The following FBXO32 variants were observed in gnomAD, a reference collection of about 807,000 sequenced individuals.
The protein encoded by FBXO32 is F-box protein 32.
FBXO32 carries 15 observed loss-of-function variants against 48.3 expected under a neutral mutation model. The observed-to-expected ratio is 0.31, with a 90% CI of 0.21 to 0.48. The LOEUF is 0.48. Among genes scored for constraint, FBXO32 ranks in the 20% least tolerant of loss-of-function variants. FBXO32 has a pLI of 0.99. For synonymous variants in FBXO32, 154 were observed against 165.9 expected, an observed-to-expected ratio of 0.93 and a Z score of 0.55; for missense variants, 309 against 432.7, an observed-to-expected ratio of 0.71 and a Z score of 2.54.
chr8:123,503,118 T>C lies in FBXO32; in HGVS notation c.*255A>G, dbSNP rs531514760. ...AGAATTATTGCCCTTATAGTCTTGC[T>C]GGCAAATTGTTAGAAAAAAAGTTTA... is the stretch of plus-strand genomic sequence containing the variant. On this transcript the variant is annotated 3_prime_UTR_variant, in exon 9 of 9. Transcript: ENST00000517956. The C allele has an allele frequency of 3.1e-6, 1 of 321,148 alleles. No individual in the cohort carries two copies. Among genetic ancestry groups the C allele is most frequent in the East Asian group, 6.1e-5 (1 of 16,310 alleles). The allele number at this position is 321,148 out of a possible 1,614,324, so 19.9% of individuals were successfully genotyped here. A position where few individuals can be genotyped will look rare whatever the true frequency, so the allele number is the denominator to read the frequency against.
chr8:123,509,135 T>G (rs1256617880), intron 6 of FBXO32, among the ~76,000 whole-genome samples: 1 of 152,190 alleles, frequency 6.6e-6, no homozygotes, highest in Non-Finnish European at 1.5e-5. Flanking sequence ...TTTATTATAT[T>G]AATTATTTTG....
rs1816535964 is a variant in FBXO32, at chr8:123,503,278, A to C, written c.*95T>G. ...CTGAAGTTTCGAGCCAATGTTTAAA[A>C]TGTACACTATTTACAAATGAAGTGT... On this transcript the variant is annotated 3_prime_UTR_variant, in exon 9 of 9. Transcript: ENST00000517956. 3.0e-6 allele frequency: 3 copies of C among 1,013,006 alleles called. No homozygotes were observed. The highest frequency in any genetic ancestry group is 1.6e-5 in the African/African-American group (1 of 62,590). 62.8% of individuals were successfully genotyped at this position (1,013,006 alleles called of 1,614,324 possible).
intron 4 of FBXO32, among the ~76,000 whole-genome samples, chr8:123,530,164 T>C (rs1287727937): frequency 1.3e-5 from 2 of 152,186 alleles, no homozygotes; most frequent in African/African-American, 4.8e-5. Context: ...GAAGAGTGAA[T>C]AGATCTGCTC....
chr8:123,530,727 G>C (rs545489533), intron 4 of FBXO32, among the ~76,000 whole-genome samples: 13 of 151,850 alleles, frequency 8.6e-5, no homozygotes, highest in Non-Finnish European at 1.8e-4. Context: ...CGATTCTCCT[G>C]CCTCAGCCTC....
chr8:123,514,212 AG>A, intron 5 of FBXO32, 27 bp downstream of exon 5: 3 of 1,571,406 alleles, frequency 1.9e-6, no homozygotes, highest in Non-Finnish European at 2.6e-6. Flanking sequence ...GCCTATAAAA[AG>A]GGGCGAGAGA....
chr8:123,537,752 CAT>C (rs1817336570), intron 1 of FBXO32, among the ~76,000 whole-genome samples: 3 of 152,326 alleles, frequency 2.0e-5, no homozygotes, highest in Admixed American at 2.0e-4. Flanking sequence ...AGTAAGCACT[CAT>C]AAAATCTTAA....
intron 4 of FBXO32, among the ~76,000 whole-genome samples, chr8:123,527,958 G>A (rs552036332): frequency 7.9e-5 from 12 of 152,254 alleles, no homozygotes; most frequent in Admixed American, 2.0e-4. Context: ...CCCAGAAGTC[G>A]TATCTAGAGT....
In FBXO32 at chr8:123,540,861, T is replaced by C; in HGVS notation, c.116+38A>G. On this transcript the variant is annotated intron_variant, in intron 1 of 8. Coordinates refer to ENST00000517956, the MANE Select transcript of FBXO32 (RefSeq NM_058229.4). This position sits in a 1 kb window ranked among gnomAD's most constrained non-coding sequence, Gnocchi z 6.4. ...CGCCCCCCAGACCAGCCCGGGTCAG[T>C]TTCGCGGGGGCTGGAAGTTGGTAGC... 1.3e-6 allele frequency: 2 copies of C among 1,562,838 alleles called. No homozygotes were observed. Among genetic ancestry groups the C allele is most frequent in the Non-Finnish European group, 1.8e-6 (2 of 1,138,664 alleles).
intron 6 of FBXO32, among the ~76,000 whole-genome samples, chr8:123,507,650 C>A (rs1388000917): frequency 6.6e-6 from 1 of 152,054 alleles, no homozygotes. Flanking sequence ...CTGGTACATC[C>A]CTGAACTTAT....
intron 4 of FBXO32, among the ~76,000 whole-genome samples, chr8:123,516,743 G>GT (rs1816847166): frequency 6.6e-6 from 1 of 152,112 alleles, no homozygotes. Flanking sequence ...CCTGGCTTCT[G>GT]TATCTTTTCC....
chr8:123,527,216 T>C (rs1817097555), intron 4 of FBXO32: 1 of 152,180 alleles, frequency 6.6e-6, no homozygotes, highest in Non-Finnish European at 1.5e-5. Context: ...TAGAGTCAGA[T>C]CTATTTCATC....
intron 1 of FBXO32, among the ~76,000 whole-genome samples, chr8:123,538,755 C>T (rs893803514): frequency 2.4e-4 from 36 of 152,000 alleles, no homozygotes; most frequent in African/African-American, 7.0e-4. Flanking sequence ...TGACTATTTG[C>T]GGTAATGATG....
rs1358083212 is a variant in FBXO32 at position 123,540,682 on chromosome 8, G to C, written c.116+217C>G. Among the ~76,000 whole-genome samples, 2 of 152,216 alleles carry C rather than the reference G, an allele frequency of 1.3e-5. No homozygotes were observed. Among genetic ancestry groups the C allele is most frequent in the African/African-American group, 4.8e-5 (2 of 41,458 alleles). ...CTGTAAGGAGTCGTGTCCACTTGGA[G>C]ACACTGACCTTGAACAATAAGAGAA... On this transcript the variant is annotated intron_variant, in intron 1 of 8. Transcript: ENST00000517956. This position sits in a 1 kb window ranked among gnomAD's most constrained non-coding sequence, Gnocchi z 6.4.
At chr8:123,530,848 A>G (rs562447043) in intron 4 of FBXO32, among the ~76,000 whole-genome samples, 1 of 147,070 alleles carries the variant, frequency 6.8e-6, no homozygotes, top group South Asian at 2.2e-4. Context: ...CGAACTCCTG[A>G]CCTCATGATC....
At chr8:123,531,083 G>A (rs536261876) in intron 4 of FBXO32, among the ~76,000 whole-genome samples, 1 of 147,414 alleles carries the variant, frequency 6.8e-6, no homozygotes, top group South Asian at 2.1e-4. Context: ...GGGTTCAAGC[G>A]ATTCTCCTGC....
At position 123,506,485 on chromosome 8, in the gene FBXO32, G is replaced by T; in HGVS notation, c.741C>A (p.Val247=). The change falls in exon 7 of 9, where the codon GTC becomes GTA. Residue 247 remains valine (V), a synonymous_variant. Coordinates refer to ENST00000517956, the MANE Select transcript of FBXO32 (RefSeq NM_058229.4). This position sits in a 1 kb window ranked among gnomAD's most constrained non-coding sequence, Gnocchi z 4.0. ...MQRLSDGRDL[V]SLGQAAPDLH... is the part of the protein sequence containing the mutation. ...GGTCGGGGGCAGCCTGGCCCAGGCT[G>T]ACCAGGTCCCGCCCGTCGCTCAGCC... 1 of 1,614,056 alleles carries T rather than the reference G, an allele frequency of 6.2e-7. No individual in the cohort carries two copies. The highest frequency in any genetic ancestry group is 1.1e-5 in the South Asian group (1 of 91,040).
chr8:123,532,249 C>G, intron 3 of FBXO32: 1 of 1,155,240 alleles, frequency 8.7e-7, no homozygotes, highest in Non-Finnish European at 1.1e-6. Context: ...CATTTGGGAC[C>G]TTGCTTATAA....
Position 123,506,771 on chromosome 8 carries a change from T to C in FBXO32, c.652-197A>G, listed in dbSNP as rs374843143. On this transcript the variant is annotated intron_variant, in intron 6 of 8. Transcript: ENST00000517956. The surrounding 1 kb of genome is among the most constrained non-coding windows in gnomAD (Gnocchi z 4.0). ...CCATGACCCTCAATGAAGTGTGGAG[T>C]GCGCTGAGCTGAGTGGTGCCAGAGG... The C allele has an allele frequency of 6.8e-6, 4 of 587,350 alleles. No homozygotes were observed. Among genetic ancestry groups the C allele is most frequent in the African/African-American group, 5.6e-5 (3 of 53,182 alleles). 36.4% of individuals were successfully genotyped at this position (587,350 alleles called of 1,614,324 possible).
chr8:123,500,559 C>T lies in FBXO32; in HGVS notation c.*2814G>A, dbSNP rs1416230941. On this transcript the variant is annotated 3_prime_UTR_variant, in exon 9 of 9. Transcript: ENST00000517956. The stretch of plus-strand genomic sequence containing the variant: ...GGTTTGCCAATAGAAATTCTATAGA[C>T]TATTATTGTTCAAAGAGCAAGAATT... 1 of 152,160 alleles carries T rather than the reference C, an allele frequency of 6.6e-6. No individual in the cohort carries two copies. Among genetic ancestry groups the T allele is most frequent in the African/African-American group, 2.4e-5 (1 of 41,426 alleles). 9.4% of individuals were successfully genotyped at this position (152,160 alleles called of 1,614,324 possible). A position where few individuals can be genotyped will look rare whatever the true frequency, so the allele number is the denominator to read the frequency against.
Sources: gnomAD v4.1 joint callset for allele counts (sites outside exome capture counted in the v4.1 genomes callset) on GRCh38, gnomAD v4.1.1 for gene constraint, Gnocchi (gnomAD v3.1) non-coding constraint, MANE v1.5 for transcripts, NCBI Gene and HGNC (gene_info 2026-07-23, HGNC 2026-07-21) for gene names.